ADH7: variants seen among roughly 807,000 people sequenced by gnomAD.
The protein encoded by ADH7 is alcohol dehydrogenase 7 (class IV), mu or sigma polypeptide.
ADH7 carries 41 observed loss-of-function variants against 34.4 expected under a neutral mutation model. That is an observed-to-expected ratio of 1.19 (90% confidence interval 0.93 to 1.55). ADH7 has a LOEUF of 1.55. Among genes scored for constraint, ADH7 ranks in the 40% most tolerant of loss-of-function variants. ADH7 has a pLI of 0.00. For missense variants in ADH7, 540 were observed against 461.2 expected, an observed-to-expected ratio of 1.17 and a Z score of -1.56; for synonymous variants, 180 against 160.9, an observed-to-expected ratio of 1.12 and a Z score of -0.90.
intron 7 of ADH7, among the ~76,000 whole-genome samples, chr4:99,417,869 GTTC>G (rs893156830): frequency 6.6e-5 from 10 of 152,056 alleles, no homozygotes; most frequent in Non-Finnish European, 1.3e-4. Context: ...TTATTGTTTT[GTTC>G]TTCAAGTTTC....
rs370255803 is a variant in ADH7 at position 99,427,779 on chromosome 4, A to G, written c.558T>C (p.Thr186=). The G allele has an allele frequency of 8.3e-5, 127 of 1,534,318 alleles. No individual in the cohort carries two copies. Among genetic ancestry groups the G allele is most frequent in the Non-Finnish European group, 1.0e-4 (118 of 1,140,884 alleles). ...AGCCTACCCTGTTTCTTACCTTGCC[A>G]GTTTTAACAGCAGCGCCATATCCAG... ...FSTGYGAAVK[T]GKVKPGSTCV... Residue 186 remains threonine (T), a synonymous_variant, in exon 5 of 9, where the codon ACT becomes ACC. Coordinates refer to ENST00000437033, the MANE Select transcript of ADH7 (RefSeq NM_000673.7).
chr4:99,421,037 A>G (rs1015977120), intron 5 of ADH7, among the ~76,000 whole-genome samples: 1 of 152,212 alleles, frequency 6.6e-6, no homozygotes, highest in African/African-American at 2.4e-5. Flanking sequence ...ATGCTCATGC[A>G]TAGGAAGAAT....
intron 1 of ADH7, among the ~76,000 whole-genome samples, chr4:99,430,013 C>A (rs1482951123): frequency 6.6e-6 from 1 of 152,172 alleles, no homozygotes; most frequent in Non-Finnish European, 1.5e-5. Context: ...CTTTGTGTAT[C>A]GCTTATTCAC....
intron 7 of ADH7, among the ~76,000 whole-genome samples, chr4:99,417,904 C>G (rs1056466420): frequency 3.3e-5 from 5 of 152,174 alleles, no homozygotes; most frequent in Non-Finnish European, 2.9e-5. Flanking sequence ...AAAGCCTTCT[C>G]TATAAAACCT....
intron 1 of ADH7, chr4:99,432,643 C>T (rs1395105434): frequency 1.3e-5 from 2 of 152,100 alleles, no homozygotes; most frequent in Admixed American, 1.3e-4. Flanking sequence ...GAAGTGTTAA[C>T]AACTTCACTC....
chr4:99,426,014 A>G (rs923010050), intron 5 of ADH7, among the ~76,000 whole-genome samples: 5 of 152,134 alleles, frequency 3.3e-5, no homozygotes, highest in African/African-American at 9.7e-5. Context: ...AAACCAATGA[A>G]AACAAATACA....
At position 99,423,562 on chromosome 4, in the gene ADH7, T is replaced by C. The variant is rs577711991; in HGVS notation, c.565-2769A>G. Reference sequence around the variant, plus strand: ...TTGTTGTTTCCTGACTTTTTAATGATTGCCATTCTAACTGGTGTGAGATGG... The same window carrying C: ...TTGTTGTTTCCTGACTTTTTAATGACTGCCATTCTAACTGGTGTGAGATGG... On this transcript the variant is annotated intron_variant, in intron 5 of 8. Transcript: ENST00000437033. Among the ~76,000 whole-genome samples, 1,031 of 152,144 alleles carry C rather than the reference T, an allele frequency of 6.8e-3. 6 individuals are homozygous for C. Among genetic ancestry groups the C allele is most frequent in the African/African-American group, 0.024 (981 of 41,470 alleles).
intron 8 of ADH7, among the ~76,000 whole-genome samples, chr4:99,414,247 T>C (rs1314513851): frequency 6.6e-6 from 1 of 152,124 alleles, no homozygotes; most frequent in Non-Finnish European, 1.5e-5. Context: ...AAAAAATGTA[T>C]GTTCATAATA....
intron 4 of ADH7, 48 bp from the exon 5 acceptor site, chr4:99,428,037 T>C: frequency 3.1e-6 from 5 of 1,612,758 alleles, no homozygotes; most frequent in Non-Finnish European, 3.4e-6. Context: ...ATTCAAAAAT[T>C]AGCATAGGAA....
chr4:99,429,563 G>A lies in ADH7; in HGVS notation c.89C>T (p.Ala30Val). 6.2e-7 allele frequency: 1 copy of A among 1,612,106 alleles called. No individual in the cohort carries two copies. Among genetic ancestry groups the A allele is most frequent in the Non-Finnish European group, 8.5e-7 (1 of 1,179,032 alleles). The stretch of plus-strand genomic sequence containing the variant: ...GCGAACTTCTTTAGTCTTTGGTGGG[G>A]CAACTTCTATTTCCTCAATGGAGAA... ...QPFSIEEIEVAPPKTKEVRIK... is the reference protein window; with the variant it reads ...QPFSIEEIEVVPPKTKEVRIK... Residue 30 changes from alanine to valine, a missense_variant, in exon 2 of 9, where the codon GCC (alanine) becomes GTC (valine). Ala to Val is a moderately conservative substitution (Grantham distance 64). Transcript: ENST00000437033.
chr4:99,426,879 C>G (rs531315443), intron 5 of ADH7, among the ~76,000 whole-genome samples: 2 of 152,166 alleles, frequency 1.3e-5, no homozygotes, highest in Admixed American at 6.6e-5. Flanking sequence ...AATGGGCTTT[C>G]ATACCTGCGA....
At chr4:99,419,535 G>A (rs1721600163) in intron 6 of ADH7, among the ~76,000 whole-genome samples, 1 of 151,948 alleles carries the variant, frequency 6.6e-6, no homozygotes, top group African/African-American at 2.4e-5. Context: ...CTAAAATGTG[G>A]GACAAAAGAG....
intron 5 of ADH7, among the ~76,000 whole-genome samples, chr4:99,425,216 C>T (rs1721771356): frequency 6.6e-6 from 1 of 151,866 alleles, no homozygotes; most frequent in Admixed American, 6.6e-5. Context: ...ACAATATTAA[C>T]TTTAAATGTA....
intron 7 of ADH7, 82 bp downstream of exon 7, chr4:99,418,903 GC>G (rs1363277621): frequency 6.7e-7 from 1 of 1,502,072 alleles, no homozygotes; most frequent in African/African-American, 1.4e-5. Context: ...TGGAAGAAAG[GC>G]CTGAGGAAAC....
At position 99,428,632 on chromosome 4, in the gene ADH7, T is replaced by C. The variant is rs992738690; in HGVS notation, c.121-2A>G. On this transcript the variant is annotated splice_acceptor_variant, in intron 2 of 8. Coordinates refer to ENST00000437033, the MANE Select transcript of ADH7 (RefSeq NM_000673.7). LOFTEE classifies it high-confidence loss of function. ...GCGACAGATTCCTGTGGCCAAAATCTGTGTTCAAAGACAAAAACATTGCAC... is the reference window on the plus strand; with the variant it reads ...GCGACAGATTCCTGTGGCCAAAATCCGTGTTCAAAGACAAAAACATTGCAC... 2.5e-6 allele frequency: 4 copies of C among 1,610,992 alleles called. No homozygotes were observed. Among genetic ancestry groups the C allele is most frequent in the Non-Finnish European group, 3.4e-6 (4 of 1,179,084 alleles).
chr4:99,417,687 G>A (rs554043764), intron 7 of ADH7, among the ~76,000 whole-genome samples: 16 of 152,098 alleles, frequency 1.1e-4, no homozygotes, highest in South Asian at 2.1e-4. Flanking sequence ...TCTCTTCTCC[G>A]TTCCTAGCTC....
At chr4:99,425,335 C>T (rs1009242971) in intron 5 of ADH7, among the ~76,000 whole-genome samples, 14 of 152,058 alleles carry the variant, frequency 9.2e-5, no homozygotes, top group African/African-American at 2.9e-4. Context: ...CAGAGACACA[C>T]ATAGGCTCAA....
chr4:99,426,310 T>C (rs1305884481), intron 5 of ADH7, among the ~76,000 whole-genome samples: 1 of 151,976 alleles, frequency 6.6e-6, no homozygotes, highest in East Asian at 1.9e-4. Flanking sequence ...GATAGACCGC[T>C]AGCAAGACTA....
chr4:99,421,034 T>C (rs890982681), intron 5 of ADH7, among the ~76,000 whole-genome samples: 3 of 152,196 alleles, frequency 2.0e-5, no homozygotes, highest in Non-Finnish European at 2.9e-5. Flanking sequence ...TCCATGCTCA[T>C]GCATAGGAAG....
Sources: allele counts gnomAD v4.1 joint callset (sites outside exome capture counted in the v4.1 genomes callset), GRCh38; gene constraint gnomAD v4.1.1; transcripts MANE v1.5; gene names NCBI Gene and HGNC (gene_info 2026-07-23, HGNC 2026-07-21).